CMTM7: variants seen among roughly 807,000 people sequenced by gnomAD.
CMTM7 encodes CKLF like MARVEL transmembrane domain containing 7.
A neutral mutation model predicts 19.3 loss-of-function variants in CMTM7; 7 were observed. The ratio of observed to expected loss-of-function variants is 0.36; its 90% CI spans 0.21 to 0.68. The LOEUF is 0.68. Ranked by LOEUF, CMTM7 falls within the 30% of genes least tolerant of loss-of-function variation. The pLI is 0.60. For synonymous variants in CMTM7, 87 were observed against 99.3 expected, an observed-to-expected ratio of 0.88 and a Z score of 0.74; for missense variants, 193 against 232.6, an observed-to-expected ratio of 0.83 and a Z score of 1.11.
At chr3:32,452,541 G>C in intron 4 of CMTM7, 68 bp downstream of exon 4, 1 of 1,507,994 alleles carries the variant, frequency 6.6e-7, no homozygotes, top group Non-Finnish European at 9.2e-7. Context: ...CTTGACTTCA[G>C]CCATAGGGAC....
chr3:32,430,575 C>G (rs1455157065), intron 1 of CMTM7, among the ~76,000 whole-genome samples: 1 of 152,112 alleles, frequency 6.6e-6, no homozygotes, highest in Non-Finnish European at 1.5e-5. Context: ...TCAGACTGTA[C>G]ACACAGTTGA....
chr3:32,402,446 A>G (rs868591630), intron 1 of CMTM7, among the ~76,000 whole-genome samples: 23 of 152,240 alleles, frequency 1.5e-4, no homozygotes, highest in African/African-American at 4.8e-4. Flanking sequence ...ACCGATTGAT[A>G]ACCAGAGAGG....
At chr3:32,452,919 A>ATTTTTTTT (rs368112448) in intron 4 of CMTM7, among the ~76,000 whole-genome samples, 2 of 35,354 alleles carry the variant, frequency 5.7e-5, no homozygotes, top group East Asian at 8.5e-4. Flanking sequence ...CCTAATTTCA[A>ATTTTTTTT]TTTTTTTTTT....
chr3:32,442,498 C>CAAAAAAAAAAAAAAA (rs59568281), intron 2 of CMTM7, among the ~76,000 whole-genome samples: 6 of 80,048 alleles, frequency 7.5e-5, no homozygotes, highest in African/African-American at 2.9e-4. Flanking sequence ...AGACTCCTCT[C>CAAAAAAAAAAAAAAA]AAAAAAAAAA....
At chr3:32,392,086 A>G in intron 1 of CMTM7, 21 bp downstream of exon 1, 3 of 1,231,444 alleles carry the variant, frequency 2.4e-6, no homozygotes, top group Non-Finnish European at 3.0e-6. Flanking sequence ...GCGGGGCGCG[A>G]GGCCGAGGTT....
intron 1 of CMTM7, among the ~76,000 whole-genome samples, chr3:32,394,269 T>G (rs553831597): frequency 6.6e-6 from 1 of 152,292 alleles, no homozygotes; most frequent in African/African-American, 2.4e-5. Flanking sequence ...AATGCTTGTT[T>G]AGCCAAGTTT....
chr3:32,454,285 C>T lies in CMTM7; in HGVS notation c.*31C>T. 1.2e-6 allele frequency: 2 copies of T among 1,613,882 alleles called. No homozygotes were observed. The highest frequency in any genetic ancestry group is 1.7e-6 in the Non-Finnish European group (2 of 1,179,814). On this transcript the variant is annotated 3_prime_UTR_variant, in exon 5 of 5. Transcript: ENST00000334983. Reference sequence around the variant, plus strand: ...CCACAACCCCTAGGCCCCTCAGGAGCTTTGCAGAGAGGAGGACGTGTACTC... The same window carrying T: ...CCACAACCCCTAGGCCCCTCAGGAGTTTTGCAGAGAGGAGGACGTGTACTC...
chr3:32,452,493 GCA>G lies in CMTM7; in HGVS notation c.514+23_514+24del. ...CCACAGGTGAGTTCTGGTTATCTGT[GCA>G]CAGAGGATCTCTCAGGAACAGGGGG... On this transcript the variant is annotated intron_variant, in intron 4 of 4. Transcript: ENST00000334983. 6.2e-7 allele frequency: 1 copy of G among 1,611,348 alleles called. No homozygotes were observed.
chr3:32,393,988 A>C (rs866694408), intron 1 of CMTM7, among the ~76,000 whole-genome samples: 1 of 152,114 alleles, frequency 6.6e-6, no homozygotes, highest in Admixed American at 6.5e-5. Context: ...GACTTGAATA[A>C]TTTCTTTATC....
intron 1 of CMTM7, among the ~76,000 whole-genome samples, chr3:32,416,580 C>T (rs182559628): frequency 0.013 from 1,885 of 150,748 alleles, 37 homozygotes; most frequent in African/African-American, 0.044. Context: ...TTAGTAGAGA[C>T]GGGGTTTCGC....
At chr3:32,421,720 C>G (rs1050156498) in intron 1 of CMTM7, among the ~76,000 whole-genome samples, 10 of 152,218 alleles carry the variant, frequency 6.6e-5, no homozygotes, top group Non-Finnish European at 1.5e-4. Context: ...CAACACACTG[C>G]ACTTAGAGGA....
chr3:32,431,885 A>T (rs1019379370), intron 1 of CMTM7, among the ~76,000 whole-genome samples: 2 of 152,226 alleles, frequency 1.3e-5, no homozygotes, highest in African/African-American at 2.4e-5. Context: ...TAATCCCAAC[A>T]CTTTGGGAGA....
intron 1 of CMTM7, among the ~76,000 whole-genome samples, chr3:32,404,162 C>CTTTTTTTTTTTTTTTTTTTTTTTTT (rs5847761): frequency 4.0e-5 from 3 of 74,664 alleles, no homozygotes; most frequent in East Asian, 4.0e-4. Context: ...CTTTTTTTTT[C>CTTTTTTTTTTTTTTTTTTTTTTTTT]TTTTTTTTTT....
intron 1 of CMTM7, among the ~76,000 whole-genome samples, chr3:32,399,865 TAA>T (rs1219293960): frequency 6.6e-6 from 1 of 152,168 alleles, no homozygotes; most frequent in Non-Finnish European, 1.5e-5. Flanking sequence ...TATAATAAAA[TAA>T]GTTATTGGCT....
At chr3:32,443,053 A>T (rs1458707770) in intron 2 of CMTM7, among the ~76,000 whole-genome samples, 3 of 152,048 alleles carry the variant, frequency 2.0e-5, no homozygotes, top group African/African-American at 7.3e-5. Context: ...CACTTAGCTG[A>T]ATGTTTTCAT....
intron 1 of CMTM7, among the ~76,000 whole-genome samples, chr3:32,430,445 T>G (rs1266646823): frequency 1.3e-5 from 2 of 152,182 alleles, no homozygotes; most frequent in Non-Finnish European, 2.9e-5. Flanking sequence ...CCATTTTTAC[T>G]GTTGAGAATT....
intron 1 of CMTM7, among the ~76,000 whole-genome samples, chr3:32,405,016 A>G (rs1346603741): frequency 6.6e-6 from 1 of 152,220 alleles, no homozygotes; most frequent in African/African-American, 2.4e-5. Context: ...CCATGTCACA[A>G]GCATCCAAGG....
intron 1 of CMTM7, among the ~76,000 whole-genome samples, chr3:32,433,568 C>T (rs1249634727): frequency 6.6e-6 from 1 of 152,182 alleles, no homozygotes; most frequent in Non-Finnish European, 1.5e-5. Flanking sequence ...TGAGGGCAGC[C>T]TCCAAAAGTC....
intron 1 of CMTM7, among the ~76,000 whole-genome samples, chr3:32,419,360 A>T (rs1430387409): frequency 1.3e-5 from 2 of 152,154 alleles, no homozygotes; most frequent in Non-Finnish European, 2.9e-5. Context: ...TTCCTTTTCA[A>T]TCCATATGCC....
Sources: gnomAD v4.1 joint callset for allele counts (sites outside exome capture counted in the v4.1 genomes callset) on GRCh38, gnomAD v4.1.1 for gene constraint, MANE v1.5 for transcripts, NCBI Gene and HGNC (gene_info 2026-07-23, HGNC 2026-07-21) for gene names.